The following NIPSNAP3A variants were observed in gnomAD, a reference collection of about 807,000 sequenced individuals.
NIPSNAP3A encodes protein NipSnap homolog 3A.
A neutral mutation model predicts 32.3 loss-of-function variants in NIPSNAP3A; 27 were observed. The observed-to-expected ratio is 0.84, with a 90% CI of 0.62 to 1.15. The LOEUF (loss-of-function observed/expected upper bound fraction) is 1.15, where lower values mean the gene tolerates loss of function less well. NIPSNAP3A is among the 50% of genes most tolerant of loss of function. NIPSNAP3A has a pLI of 0.00. For missense variants in NIPSNAP3A, 278 were observed against 297.2 expected, an observed-to-expected ratio of 0.94 and a Z score of 0.48; for synonymous variants, 108 against 107.3, an observed-to-expected ratio of 1.01 and a Z score of -0.04.
intron 2 of NIPSNAP3A, 150 bp downstream of exon 2, chr9:104,751,316 C>A: frequency 1.3e-6 from 1 of 746,308 alleles, no homozygotes; most frequent in Admixed American, 2.3e-5. Context: ...AAAGCAATAC[C>A]AAAAAAATAA....
chr9:104,752,465 G>A (rs559510877), intron 2 of NIPSNAP3A, among the ~76,000 whole-genome samples: 26 of 133,456 alleles, frequency 1.9e-4, no homozygotes, highest in East Asian at 3.9e-4. Flanking sequence ...AGCACTATAA[G>A]TTAAATGCCT....
At position 104,751,234 on chromosome 9, in the gene NIPSNAP3A, TAAATG is replaced by T; in HGVS notation, c.271+69_271+73del. 5.3e-6 allele frequency: 7 copies of T among 1,318,210 alleles called. No individual in the cohort carries two copies. The South Asian group carries it at 8.3e-5, about 16-fold the overall frequency. 81.7% of individuals were successfully genotyped at this position (1,318,210 alleles called of 1,614,324 possible). Reference sequence around the variant, plus strand: ...TTTTCAGTATAGATTTTCATTCTGTTAAATGTAACATAAAACTTAGTTCTTGGATG... The same window carrying T: ...TTTTCAGTATAGATTTTCATTCTGTTTAACATAAAACTTAGTTCTTGGATG... On this transcript the variant is annotated intron_variant, in intron 2 of 5. Coordinates refer to ENST00000374767, the MANE Select transcript of NIPSNAP3A (RefSeq NM_015469.3).
chr9:104,755,457 G>C lies in NIPSNAP3A; in HGVS notation c.580+757G>C, dbSNP rs1198668506. Among the ~76,000 whole-genome samples, 3 of 151,686 alleles carry C rather than the reference G, an allele frequency of 2.0e-5. No homozygotes were observed. In the East Asian group the frequency reaches 5.8e-4, roughly 29 times the overall value. ...CACCAGTTTTATATATATCTATATA[G>C]GGAGATATAGTAAATATGTATATAT... is the stretch of plus-strand genomic sequence containing the variant. On this transcript the variant is annotated intron_variant, in intron 4 of 5. Coordinates refer to ENST00000374767, the MANE Select transcript of NIPSNAP3A (RefSeq NM_015469.3).
Position 104,747,778 on chromosome 9 carries a change from C to T in NIPSNAP3A, c.-15C>T, listed in dbSNP as rs754168396. ...GGACACGGCTGGCTGCTTTTCTCAG[C>T]GCCGAAGCCGCGCCATGCTCGTCCT... On this transcript the variant is annotated 5_prime_UTR_variant, in exon 1 of 6. Transcript: ENST00000374767. 1.2e-6 allele frequency: 2 copies of T among 1,605,626 alleles called. No homozygotes were observed. Among genetic ancestry groups the T allele is most frequent in the South Asian group, 1.1e-5 (1 of 89,966 alleles).
rs777014471 is a variant in NIPSNAP3A, at chr9:104,747,833, C to T, written c.41C>T (p.Ser14Leu). Residue 14 changes from serine (S) to leucine (L), a missense_variant, in exon 1 of 6, where the codon TCA (serine) becomes TTA (leucine). Transcript: ENST00000374767. ...LRSALTRALA[S>L]RTLAPQMCSS... ...AGCGCCCTGACTCGGGCGCTGGCCT[C>T]ACGGACGCTGGCGCCTCAGGTACCG... 8.1e-6 allele frequency: 13 copies of T among 1,608,548 alleles called. No homozygotes were observed. The highest frequency in any genetic ancestry group is 7.7e-5 in the South Asian group (7 of 90,640).
chr9:104,758,971 CAAAAAAAAAAAAAAA>C lies in NIPSNAP3A; in HGVS notation c.581-103_581-89del, dbSNP rs34457398. ...GGTGACAAGAGTGAAACTCTTGTTTCAAAAAAAAAAAAAAAAAAAAAAAAAGAATAGGATGGGTTT... is the reference window on the plus strand; with the variant it reads ...GGTGACAAGAGTGAAACTCTTGTTTCAAAAAAAAAAGAATAGGATGGGTTT... On this transcript the variant is annotated intron_variant, in intron 4 of 5. Coordinates refer to ENST00000374767, the MANE Select transcript of NIPSNAP3A (RefSeq NM_015469.3). The C allele has an allele frequency of 7.2e-5, 29 of 402,576 alleles. 1 individual carries two copies. Among genetic ancestry groups the C allele is most frequent in the Admixed American group, 1.4e-4 (3 of 22,154 alleles). 24.9% of individuals were successfully genotyped at this position (402,576 alleles called of 1,614,324 possible).
In NIPSNAP3A at chr9:104,747,854, T is replaced by A. The variant is rs1334253985; in HGVS notation, c.60+2T>A. ...GCCTCACGGACGCTGGCGCCTCAGG[T>A]ACCGGCCACGGGGGTACCCAAGCCT... On this transcript the variant is annotated splice_donor_variant, in intron 1 of 5. Coordinates refer to ENST00000374767, the MANE Select transcript of NIPSNAP3A (RefSeq NM_015469.3). LOFTEE classifies it high-confidence loss of function. The A allele has an allele frequency of 2.5e-6, 4 of 1,607,148 alleles. No homozygotes were observed. The African/African-American group carries it at 5.4e-5, about 22-fold the overall frequency.
chr9:104,747,907 CGGGG>C (rs1827795486), intron 1 of NIPSNAP3A, 55 bp downstream of exon 1: 2 of 693,460 alleles, frequency 2.9e-6, no homozygotes, highest in South Asian at 2.4e-5. Context: ...AGGGGCGGGG[CGGGG>C]AGTGTTCCGG....
chr9:104,754,710 T>C lies in NIPSNAP3A; in HGVS notation c.580+10T>C, dbSNP rs375389558. The C allele has an allele frequency of 7.9e-5, 127 of 1,609,870 alleles. No homozygotes were observed. The highest frequency in any genetic ancestry group is 1.0e-4 in the Non-Finnish European group (120 of 1,176,314). Reference sequence around the variant, plus strand: ...GGAGCACTCAACAGAGGTACAATTGTCCATTTCTTCTTATATGAAATTGTA... The same window carrying C: ...GGAGCACTCAACAGAGGTACAATTGCCCATTTCTTCTTATATGAAATTGTA... On this transcript the variant is annotated intron_variant, in intron 4 of 5. Transcript: ENST00000374767.
intron 4 of NIPSNAP3A, among the ~76,000 whole-genome samples, chr9:104,756,801 CTA>C (rs1036767904): frequency 1.4e-5 from 2 of 147,678 alleles, no homozygotes; most frequent in African/African-American, 5.0e-5. Flanking sequence ...GGTTAAGTCT[CTA>C]TGTTAATATT....
chr9:104,756,671 G>A (rs1232507609), intron 4 of NIPSNAP3A, among the ~76,000 whole-genome samples: 1 of 151,922 alleles, frequency 6.6e-6, no homozygotes, highest in African/African-American at 2.4e-5. Flanking sequence ...TATTGTTTTT[G>A]CCAGTATTAC....
rs1287030486 is a variant in NIPSNAP3A, at chr9:104,759,873, T to TATTA, written c.*537_*540dup. ...ACATTGTCATTTGTGACATCATCTATATTAAATATGGTTTTCACATTAGTT... is the reference window on the plus strand; with the variant it reads ...ACATTGTCATTTGTGACATCATCTATATTAATTAAATATGGTTTTCACATTAGTT... On this transcript the variant is annotated 3_prime_UTR_variant, in exon 6 of 6. Transcript: ENST00000374767. 3.9e-5 allele frequency: 6 copies of TATTA among 153,546 alleles called. No homozygotes were observed. Among genetic ancestry groups the TATTA allele is most frequent in the African/African-American group, 1.4e-4 (6 of 41,470 alleles). 9.5% of individuals were successfully genotyped at this position (153,546 alleles called of 1,614,324 possible). A position where few individuals can be genotyped will look rare whatever the true frequency, so the allele number is the denominator to read the frequency against.
At chr9:104,752,033 GTTGTATCACAGCCCA>G (rs1157130088) in intron 2 of NIPSNAP3A, among the ~76,000 whole-genome samples, 3 of 152,024 alleles carry the variant, frequency 2.0e-5, no homozygotes, top group Non-Finnish European at 4.4e-5. Flanking sequence ...TGTGGTACAA[GTTGTATCACAGCCCA>G]TTAAAAAAAC....
In NIPSNAP3A at chr9:104,747,839, C is replaced by G; in HGVS notation, c.47C>G (p.Thr16Arg). The G allele has an allele frequency of 1.2e-6, 2 of 1,608,324 alleles. No individual in the cohort carries two copies. Among genetic ancestry groups the G allele is most frequent in the Non-Finnish European group, 1.7e-6 (2 of 1,178,850 alleles). ...CTGACTCGGGCGCTGGCCTCACGGA[C>G]GCTGGCGCCTCAGGTACCGGCCACG... ...SALTRALASR[T>R]LAPQMCSSFA... Residue 16 changes from threonine to arginine, a missense_variant, in exon 1 of 6, where the codon ACG becomes AGG. Thr to Arg is a moderately conservative substitution (Grantham distance 71, BLOSUM62 -1). Transcript: ENST00000374767.
In NIPSNAP3A at chr9:104,759,371, T is replaced by G. The variant is rs375697377; in HGVS notation, c.*33T>G. The G allele has an allele frequency of 3.3e-5, 52 of 1,587,572 alleles. No individual in the cohort carries two copies. The highest frequency in any genetic ancestry group is 2.2e-4 in the Middle Eastern group (1 of 4,600). ...CTGAAATACAAAACATTTCATTAAC[T>G]GCTATAGGATCTGTCTGCTAATGGT... On this transcript the variant is annotated 3_prime_UTR_variant, in exon 6 of 6. Transcript: ENST00000374767.
At chr9:104,749,034 CCT>C (rs1460350658) in intron 1 of NIPSNAP3A, among the ~76,000 whole-genome samples, 3 of 152,150 alleles carry the variant, frequency 2.0e-5, no homozygotes, top group South Asian at 2.1e-4. Flanking sequence ...CATCTCTCTC[CCT>C]CTCTCACTGT....
At chr9:104,753,162 A>AT in intron 3 of NIPSNAP3A, 98 bp downstream of exon 3, 1 of 998,786 alleles carries the variant, frequency 1.0e-6, no homozygotes, top group Non-Finnish European at 1.5e-6. Flanking sequence ...AATAAAATTA[A>AT]TTCTTTGTTT....
At chr9:104,748,327 C>G (rs886211281) in intron 1 of NIPSNAP3A, among the ~76,000 whole-genome samples, 11 of 152,152 alleles carry the variant, frequency 7.2e-5, no homozygotes, top group African/African-American at 2.4e-4. Flanking sequence ...ACGGAACCGG[C>G]CTCCCCCTTT....
intron 2 of NIPSNAP3A, among the ~76,000 whole-genome samples, 160 bp from the exon 3 acceptor site, chr9:104,752,746 A>G (rs1827860552): frequency 6.6e-6 from 1 of 152,218 alleles, no homozygotes; most frequent in Non-Finnish European, 1.5e-5. Context: ...GAGCAACTTC[A>G]GGGCAGATGG....
Sources: gnomAD v4.1 joint callset for allele counts (sites outside exome capture counted in the v4.1 genomes callset) on GRCh38, gnomAD v4.1.1 for gene constraint, MANE v1.5 for transcripts, NCBI Gene and HGNC (gene_info 2026-07-23, HGNC 2026-07-21) for gene names.